Variants in ADD3 observed in about 807,000 individuals in gnomAD.
ADD3 encodes the protein gamma-adducin.
In ADD3, 25 loss-of-function variants were observed where a neutral mutation model predicts 80.2. That is an observed-to-expected ratio of 0.31 (90% CI 0.23 to 0.44). The LOEUF (loss-of-function observed/expected upper bound fraction) is 0.44, where lower values mean the gene tolerates loss of function less well. ADD3 is among the 20% of genes least tolerant of loss of function. The pLI is 1.00. For synonymous variants in ADD3, 284 were observed against 289.6 expected (o/e 0.98, Z 0.20); for missense variants, 829 against 847.5 (o/e 0.98, Z 0.27).
At chr10:110,092,443 A>G (rs1304223224) in intron 1 of ADD3, among the ~76,000 whole-genome samples, 2 of 152,054 alleles carry the variant, frequency 1.3e-5, no homozygotes, top group East Asian at 1.9e-4. Context: ...GCTGGAGGCT[A>G]TTACCCTAAG....
intron 1 of ADD3, among the ~76,000 whole-genome samples, chr10:110,022,511 A>G (rs539511212): frequency 6.6e-6 from 1 of 152,128 alleles, no homozygotes; most frequent in Non-Finnish European, 1.5e-5. Flanking sequence ...ATTTTATTTC[A>G]AATATATATA....
intron 1 of ADD3, among the ~76,000 whole-genome samples, chr10:110,059,791 A>G (rs1858665575): frequency 6.6e-6 from 1 of 152,194 alleles, no homozygotes; most frequent in South Asian, 2.1e-4. Context: ...AAATAAATAA[A>G]GATCATTCAT....
intron 1 of ADD3, among the ~76,000 whole-genome samples, chr10:110,020,816 T>A (rs1853583454): frequency 1.3e-5 from 2 of 152,134 alleles, no homozygotes; most frequent in South Asian, 4.1e-4. Flanking sequence ...TACTGAAATA[T>A]GGGGGTATAT....
At chr10:110,086,010 C>T (rs1215878792) in intron 1 of ADD3, among the ~76,000 whole-genome samples, 1 of 152,108 alleles carries the variant, frequency 6.6e-6, no homozygotes, top group Admixed American at 6.5e-5. Flanking sequence ...ACGGCTGAAG[C>T]ACGAGAATCG....
chr10:110,094,313 G>T (rs535787152), intron 1 of ADD3, among the ~76,000 whole-genome samples: 2 of 152,138 alleles, frequency 1.3e-5, no homozygotes, highest in South Asian at 4.2e-4. Flanking sequence ...TCATTATTAT[G>T]ATTTTATAAT....
intron 1 of ADD3, among the ~76,000 whole-genome samples, chr10:110,064,323 C>G (rs1589947869): frequency 6.6e-6 from 1 of 152,104 alleles, no homozygotes; most frequent in Non-Finnish European, 1.5e-5. Context: ...AGGCCAGTTT[C>G]CCAAAGTATT....
intron 1 of ADD3, among the ~76,000 whole-genome samples, chr10:110,028,347 G>C (rs1025145406): frequency 5.3e-5 from 8 of 152,156 alleles, no homozygotes; most frequent in African/African-American, 1.7e-4. Context: ...GCTGAGGTGG[G>C]TGGATCACCT....
intron 2 of ADD3, among the ~76,000 whole-genome samples, chr10:110,102,343 C>T (rs540336911): frequency 2.2e-4 from 33 of 152,256 alleles, no homozygotes; most frequent in African/African-American, 7.5e-4. Flanking sequence ...TGGTGGCTCA[C>T]GCCTGTTGTA....
chr10:110,132,924 CAA>C lies in ADD3; in HGVS notation c.1829-381_1829-380del, dbSNP rs60435351. On this transcript the variant is annotated intron_variant, in intron 14 of 14. Transcript: ENST00000356080. ...TGGGCGACAGAGTGAGACTCCGCCTCAAAAAAAAAAAAAAAAAAAAAAGAATT... is the reference window on the plus strand; with the variant it reads ...TGGGCGACAGAGTGAGACTCCGCCTCAAAAAAAAAAAAAAAAAAAAGAATT... Among the ~76,000 whole-genome samples, 658 of 66,272 alleles carry C rather than the reference CAA, an allele frequency of 9.9e-3. 3 individuals carry two copies. Among genetic ancestry groups the C allele is most frequent in the African/African-American group, 0.029 (588 of 20,480 alleles). 43.5% of individuals were successfully genotyped at this position (66,272 alleles called of 152,430 possible). A position where few individuals can be genotyped will look rare whatever the true frequency, so the allele number is the denominator to read the frequency against.
chr10:110,029,300 T>G (rs1029059497), intron 1 of ADD3, among the ~76,000 whole-genome samples: 2 of 152,232 alleles, frequency 1.3e-5, no homozygotes, highest in African/African-American at 4.8e-5. Flanking sequence ...ATTATAAACT[T>G]GTAGTAATTG....
chr10:110,078,075 T>A (rs1845583502), intron 1 of ADD3, among the ~76,000 whole-genome samples: 1 of 152,256 alleles, frequency 6.6e-6, no homozygotes, highest in Non-Finnish European at 1.5e-5. Context: ...TCATCCTTTT[T>A]GAACTAAGAC....
intron 2 of ADD3, 81 bp from the exon 3 acceptor site, chr10:110,112,696 G>A (rs1850202138): frequency 6.7e-7 from 1 of 1,489,182 alleles, no homozygotes; most frequent in African/African-American, 1.4e-5. Context: ...AAGGGATGGG[G>A]TAAAGATTGA....
chr10:110,087,644 A>G (rs913865073), intron 1 of ADD3, among the ~76,000 whole-genome samples: 1 of 152,214 alleles, frequency 6.6e-6, no homozygotes, highest in Non-Finnish European at 1.5e-5. Context: ...TGTATATCAG[A>G]TGTCTTGTTC....
chr10:110,022,447 T>C (rs950933472), intron 1 of ADD3, among the ~76,000 whole-genome samples: 3 of 152,150 alleles, frequency 2.0e-5, no homozygotes, highest in Admixed American at 6.5e-5. Flanking sequence ...ATACCACTTA[T>C]CGTAAAGTTA....
At position 110,000,673 on chromosome 10, in the gene ADD3, C is replaced by T. The variant is rs151085502; in HGVS notation, n.79+4227C>T. 1.7e-3 allele frequency among the ~76,000 whole-genome samples: 252 copies of T among 152,344 alleles called. 1 individual carries two copies. The highest frequency in any genetic ancestry group is 5.8e-3 in the African/African-American group (242 of 41,562). On this transcript the variant is annotated intron_variant and non_coding_transcript_variant, in intron 1 of 5. Coordinates refer to the ADD3 transcript ENST00000468251. ...GCACTTAGAGAATGTACAGAACATACAGCATGATGAACTGTTAGGCTCTGG... is the reference window on the plus strand; with the variant it reads ...GCACTTAGAGAATGTACAGAACATATAGCATGATGAACTGTTAGGCTCTGG...
At chr10:110,044,793 T>G (rs1377085025) in intron 1 of ADD3, among the ~76,000 whole-genome samples, 1 of 152,250 alleles carries the variant, frequency 6.6e-6, no homozygotes, top group African/African-American at 2.4e-5. Flanking sequence ...ACTTTGGGAC[T>G]AGGTAACTGT....
chr10:110,076,136 A>G lies in ADD3; in HGVS notation c.-29-24489A>G, dbSNP rs1845349195. Among the ~76,000 whole-genome samples the G allele has an allele frequency of 1.3e-5, 2 of 152,110 alleles. 1 individual carries two copies. The highest frequency in any genetic ancestry group is 4.1e-4 in the South Asian group (2 of 4,832). ...ACATAGTTTTTTATATGCTTATTTT[A>G]CTCAAACTTTAATTTTATGATTATA... On this transcript the variant is annotated intron_variant, in intron 1 of 14. Transcript: ENST00000356080.
chr10:110,111,705 C>T (rs1228839849), intron 2 of ADD3, among the ~76,000 whole-genome samples: 1 of 152,112 alleles, frequency 6.6e-6, no homozygotes, highest in African/African-American at 2.4e-5. Context: ...CACCTGAGGT[C>T]GGCAGTTCAA....
chr10:110,015,268 CTAT>C (rs138014575), intron 1 of ADD3, among the ~76,000 whole-genome samples: 4,231 of 152,040 alleles, frequency 0.028, 205 homozygotes, highest in African/African-American at 0.097. Context: ...TAATTGGGAG[CTAT>C]TATTTATTAA....
Sources: allele counts gnomAD v4.1 joint callset (sites outside exome capture counted in the v4.1 genomes callset), GRCh38; gene constraint gnomAD v4.1.1; transcripts MANE v1.5; gene names NCBI Gene and HGNC (gene_info 2026-07-23, HGNC 2026-07-21).